The following LDLRAD4 variants were observed in gnomAD, a reference collection of about 807,000 sequenced individuals.
LDLRAD4 encodes low-density lipoprotein receptor class A domain-containing protein 4.
Under a neutral mutation model 17.0 loss-of-function variants are expected in LDLRAD4, and 5 were observed. The ratio of observed to expected loss-of-function variants is 0.29; its 90% confidence interval spans 0.15 to 0.62. The LOEUF is 0.62. Ranked by LOEUF, LDLRAD4 falls within the 20% of genes least tolerant of loss-of-function variation. LDLRAD4 has a pLI of 0.84. For synonymous variants in LDLRAD4, 168 were observed against 171.8 expected, an observed-to-expected ratio of 0.98 and a Z score of 0.17; for missense variants, 340 against 424.7, an observed-to-expected ratio of 0.80 and a Z score of 1.75.
intron 1 of LDLRAD4, among the ~76,000 whole-genome samples, chr18:13,234,008 A>G (rs374321790): frequency 1.3e-5 from 2 of 151,920 alleles, no homozygotes; most frequent in Non-Finnish European, 1.5e-5. Flanking sequence ...ACCTTTTCCC[A>G]TGGCCCAGTG....
chr18:13,264,070 G>A (rs908669352), intron 1 of LDLRAD4, among the ~76,000 whole-genome samples: 7 of 152,202 alleles, frequency 4.6e-5, no homozygotes, highest in Non-Finnish European at 1.0e-4. Flanking sequence ...GATGGAGCAG[G>A]GCAGGACACG....
At chr18:13,332,287 T>C (rs1249798146) in intron 1 of LDLRAD4, among the ~76,000 whole-genome samples, 4 of 152,240 alleles carry the variant, frequency 2.6e-5, no homozygotes, top group Non-Finnish European at 2.9e-5. Context: ...ACAGCCAAAC[T>C]GAGCAGACAC....
intron 3 of LDLRAD4, among the ~76,000 whole-genome samples, chr18:13,438,998 C>CTTCT (rs2090850370): frequency 6.6e-6 from 1 of 152,206 alleles, no homozygotes; most frequent in South Asian, 2.1e-4. Context: ...GCCCGCTGAA[C>CTTCT]TTCTCTTAGG....
In LDLRAD4 at chr18:13,331,740, C is replaced by T. The variant is rs546187809; in HGVS notation, c.-383+53552C>T. On this transcript the variant is annotated intron_variant, in intron 1 of 5. Coordinates refer to ENST00000359446, the Ensembl canonical transcript of LDLRAD4. ...TTTTTCTACTGACTATAACCATGAACAGTATACTTTTTGTTTGCTCTGTTA... is the reference window on the plus strand; with the variant it reads ...TTTTTCTACTGACTATAACCATGAATAGTATACTTTTTGTTTGCTCTGTTA... Among the ~76,000 whole-genome samples the T allele has an allele frequency of 1.6e-4, 24 of 152,356 alleles. No individual in the cohort carries two copies. The South Asian group carries it at 4.8e-3, about 30-fold the overall frequency.
chr18:13,591,414 G>GTC (rs2095025986), intron 3 of LDLRAD4, among the ~76,000 whole-genome samples: 1 of 71,484 alleles, frequency 1.4e-5, no homozygotes, highest in South Asian at 5.0e-4. Flanking sequence ...AGATGTGTGT[G>GTC]TATGTGTGTG....
intron 3 of LDLRAD4, among the ~76,000 whole-genome samples, chr18:13,484,763 G>T (rs2093178285): frequency 6.6e-6 from 1 of 152,206 alleles, no homozygotes; most frequent in Non-Finnish European, 1.5e-5. Context: ...CTGACCCAGT[G>T]CCAGTATCTT....
At chr18:13,454,651 G>A (rs1180399519) in intron 3 of LDLRAD4, among the ~76,000 whole-genome samples, 1 of 152,256 alleles carries the variant, frequency 6.6e-6, no homozygotes, top group East Asian at 1.9e-4. Context: ...CTGCAGAGAG[G>A]GTAGCAGCAG....
At chr18:13,436,683 G>C (rs1370622946) in intron 2 of LDLRAD4, among the ~76,000 whole-genome samples, 1 of 152,156 alleles carries the variant, frequency 6.6e-6, no homozygotes, top group East Asian at 1.9e-4. Flanking sequence ...TAGTAAATGT[G>C]ATTTCAAACA....
At chr18:13,299,957 T>C (rs2046493097) in intron 1 of LDLRAD4, among the ~76,000 whole-genome samples, 1 of 152,190 alleles carries the variant, frequency 6.6e-6, no homozygotes, top group Admixed American at 6.5e-5. Context: ...CTGGAGGATA[T>C]TTTTCCCCAC....
intron 3 of LDLRAD4, among the ~76,000 whole-genome samples, chr18:13,555,268 TA>T (rs971309408): frequency 2.0e-5 from 3 of 152,204 alleles, no homozygotes; most frequent in African/African-American, 7.2e-5. Context: ...GTTAACTTTT[TA>T]AAAAGATAAT....
intron 3 of LDLRAD4, among the ~76,000 whole-genome samples, chr18:13,480,755 G>A (rs1404542596): frequency 6.6e-6 from 1 of 152,216 alleles, no homozygotes; most frequent in Non-Finnish European, 1.5e-5. Context: ...ATTCTGACTG[G>A]AGCTTCATTA....
At chr18:13,404,968 C>T (rs74629940) in intron 2 of LDLRAD4, among the ~76,000 whole-genome samples, 1,748 of 151,742 alleles carry the variant, frequency 0.012, 24 homozygotes, top group African/African-American at 0.039. Flanking sequence ...GCAGTGTGAG[C>T]GAAACCCAAT....
At chr18:13,558,800 A>G (rs957475185) in intron 3 of LDLRAD4, among the ~76,000 whole-genome samples, 6 of 152,224 alleles carry the variant, frequency 3.9e-5, no homozygotes. Context: ...TGAACACCCA[A>G]AGAGAACCTC....
At chr18:13,641,551 C>G (rs1279947917) in intron 4 of LDLRAD4, among the ~76,000 whole-genome samples, 1 of 152,256 alleles carries the variant, frequency 6.6e-6, no homozygotes, top group Non-Finnish European at 1.5e-5. Flanking sequence ...GCGGCCTCTG[C>G]CCAGACACTC....
intron 1 of LDLRAD4, among the ~76,000 whole-genome samples, chr18:13,228,977 C>G (rs1023349942): frequency 2.6e-5 from 4 of 152,248 alleles, no homozygotes; most frequent in Non-Finnish European, 5.9e-5. Context: ...GCATTACCCT[C>G]TAATGTGAAT....
chr18:13,287,604 C>T (rs868080100), intron 1 of LDLRAD4, among the ~76,000 whole-genome samples: 4 of 152,214 alleles, frequency 2.6e-5, no homozygotes, highest in Admixed American at 2.0e-4. Context: ...GTAACCTTCT[C>T]CACTGTCTGC....
intron 2 of LDLRAD4, among the ~76,000 whole-genome samples, chr18:13,414,480 G>A (rs1012253943): frequency 6.6e-6 from 1 of 152,252 alleles, no homozygotes; most frequent in African/African-American, 2.4e-5. Flanking sequence ...CCAGGCTGTG[G>A]AATTTGAATT....
intron 3 of LDLRAD4, among the ~76,000 whole-genome samples, chr18:13,601,509 C>A (rs2095161072): frequency 6.6e-6 from 1 of 151,990 alleles, no homozygotes; most frequent in Non-Finnish European, 1.5e-5. Context: ...GGGAACACTT[C>A]CGGGCATGGT....
intron 1 of LDLRAD4, among the ~76,000 whole-genome samples, chr18:13,280,799 G>T (rs778461980): frequency 4.6e-5 from 7 of 152,218 alleles, no homozygotes; most frequent in African/African-American, 1.4e-4. Context: ...AGGCACCGGT[G>T]CAGACCAGGG....
Sources: allele counts gnomAD v4.1 joint callset (sites outside exome capture counted in the v4.1 genomes callset), GRCh38; gene constraint gnomAD v4.1.1; transcripts MANE v1.5; gene names NCBI Gene and HGNC (gene_info 2026-07-23, HGNC 2026-07-21).